Variants in CHMP2B observed in about 807,000 individuals in gnomAD.
The protein encoded by CHMP2B is VPS2 homolog B.
Under a neutral mutation model 29.8 loss-of-function variants are expected in CHMP2B, and 22 were observed. The observed-to-expected ratio is 0.74, with a 90% CI of 0.53 to 1.05. The LOEUF is 1.05. Ranked by LOEUF, CHMP2B falls within the 50% of genes least tolerant of loss-of-function variation. CHMP2B has a pLI of 0.00. For missense variants in CHMP2B, 261 were observed against 252.2 expected (o/e 1.03, Z -0.24); for synonymous variants, 78 against 75.8 (o/e 1.03, Z -0.15).
rs187158507 is a variant in CHMP2B at position 87,253,747 on chromosome 3, A to G, written c.567A>G (p.Pro189=). Residue 189 remains proline, a synonymous_variant, in exon 6 of 6, where the codon CCA becomes CCG. Coordinates refer to ENST00000263780, the MANE Select transcript of CHMP2B (RefSeq NM_014043.4). ...AKAPSAARSL[P]SASTSKATIS... Reference sequence around the variant, plus strand: ...CTCCATCAGCTGCTCGAAGCTTACCATCTGCCTCTACTTCAAAGGCTACAA... The same window carrying G: ...CTCCATCAGCTGCTCGAAGCTTACCGTCTGCCTCTACTTCAAAGGCTACAA... The G allele has an allele frequency of 3.7e-6, 6 of 1,612,556 alleles. No homozygotes were observed. The highest frequency in any genetic ancestry group is 2.2e-5 in the South Asian group (2 of 91,070).
intron 1 of CHMP2B, chr3:87,240,493 A>T (rs935129484): frequency 1.1e-5 from 5 of 436,886 alleles, no homozygotes; most frequent in African/African-American, 1.0e-4. Context: ...TATTTTTAGT[A>T]GAGATGGGGT....
chr3:87,237,985 A>T (rs1465169791), intron 1 of CHMP2B, among the ~76,000 whole-genome samples: 1 of 152,212 alleles, frequency 6.6e-6, no homozygotes. Flanking sequence ...TGAGTATTAG[A>T]TGCCCACCAG....
chr3:87,238,498 A>C (rs185200202), intron 1 of CHMP2B, among the ~76,000 whole-genome samples: 1 of 152,092 alleles, frequency 6.6e-6, no homozygotes, highest in Non-Finnish European at 1.5e-5. Context: ...CCATATACCA[A>C]TTTGTTCTGT....
intron 1 of CHMP2B, among the ~76,000 whole-genome samples, chr3:87,237,945 A>G (rs1374440153): frequency 6.6e-6 from 1 of 152,198 alleles, no homozygotes; most frequent in African/African-American, 2.4e-5. Context: ...TTTCAACAAT[A>G]GGTAGAATAA....
chr3:87,233,492 G>A lies in CHMP2B; in HGVS notation c.34+5936G>A, dbSNP rs143936757. Among the ~76,000 whole-genome samples the A allele has an allele frequency of 3.4e-3, 512 of 151,834 alleles. 4 individuals carry two copies. The highest frequency in any genetic ancestry group is 0.011 in the African/African-American group (476 of 41,410). On this transcript the variant is annotated intron_variant, in intron 1 of 5. Transcript: ENST00000263780. ...TCAAGTCAAGATGAAACATCCTTAC[G>A]TAGCCAGGACTTCTTTTCACTTTAC... is the stretch of plus-strand genomic sequence containing the variant.
At chr3:87,235,100 A>G (rs192365256) in intron 1 of CHMP2B, among the ~76,000 whole-genome samples, 101 of 152,358 alleles carry the variant, frequency 6.6e-4, no homozygotes, top group African/African-American at 2.3e-3. Flanking sequence ...ATTTGCATGA[A>G]GAAAGGTGGG....
In CHMP2B at chr3:87,244,351, T is replaced by TTA. The variant is rs1553672619; in HGVS notation, c.127-1351_127-1350dup. Among the ~76,000 whole-genome samples, 45 of 151,820 alleles carry TTA rather than the reference T, an allele frequency of 3.0e-4. No homozygotes were observed. The East Asian group carries it at 3.9e-3, about 13-fold the overall frequency. On this transcript the variant is annotated intron_variant, in intron 2 of 5. Coordinates refer to ENST00000263780, the MANE Select transcript of CHMP2B (RefSeq NM_014043.4). ...GAGCCACAGATTTTTCTTTCCTAGT[T>TTA]TATATATATATATTTTTTGTTTATC...
chr3:87,247,797 G>T (rs147523095), intron 3 of CHMP2B, among the ~76,000 whole-genome samples: 1 of 152,282 alleles, frequency 6.6e-6, no homozygotes, highest in African/African-American at 2.4e-5. Context: ...ATCTTTGATC[G>T]CAGAGTAGGT....
chr3:87,238,608 G>A (rs761747440), intron 1 of CHMP2B, among the ~76,000 whole-genome samples: 1 of 152,090 alleles, frequency 6.6e-6, no homozygotes, highest in African/African-American at 2.4e-5. Context: ...TGAGGTTCAC[G>A]CATGTTGTAG....
At chr3:87,246,191 G>A (rs1706210458) in intron 3 of CHMP2B, among the ~76,000 whole-genome samples, 1 of 151,622 alleles carries the variant, frequency 6.6e-6, no homozygotes, top group Admixed American at 6.6e-5. Flanking sequence ...AGGCTGGAGT[G>A]CAGTGGCAAG....
At chr3:87,252,480 G>A (rs999277358) in intron 4 of CHMP2B, among the ~76,000 whole-genome samples, 1 of 151,264 alleles carries the variant, frequency 6.6e-6, no homozygotes, top group Non-Finnish European at 1.5e-5. Context: ...CAGTGACTTT[G>A]CCCAGGCCAT....
chr3:87,229,316 G>C (rs1243033538), intron 1 of CHMP2B, among the ~76,000 whole-genome samples: 1 of 152,104 alleles, frequency 6.6e-6, no homozygotes. Flanking sequence ...TTGCTGAATA[G>C]ACTTATTTGT....
At chr3:87,237,357 G>A (rs1706035356) in intron 1 of CHMP2B, among the ~76,000 whole-genome samples, 1 of 152,110 alleles carries the variant, frequency 6.6e-6, no homozygotes, top group African/African-American at 2.4e-5. Flanking sequence ...ATCCTTAGAA[G>A]AAGAGAAAGA....
In CHMP2B at chr3:87,245,765, GT is replaced by G. The variant is rs1342251320; in HGVS notation, c.182del (p.Leu61Ter). ...GATTGGTAATAAGGAAGCTTGCAAA[GT>G]TTTAGCCAAACAACTTGTGCATCTA... ...AKIGNKEACKVLAKQLVHLRK... is the reference protein window; with the variant it reads ...AKIGNKEACKXLAKQLVHLRK... On this transcript the variant is annotated frameshift_variant, in exon 3 of 6. Coordinates refer to ENST00000263780, the MANE Select transcript of CHMP2B (RefSeq NM_014043.4). LOFTEE classifies it high-confidence loss of function. The G allele has an allele frequency of 6.2e-7, 1 of 1,613,712 alleles. No individual in the cohort carries two copies. Among genetic ancestry groups the G allele is most frequent in the Non-Finnish European group, 8.5e-7 (1 of 1,179,914 alleles).
intron 1 of CHMP2B, among the ~76,000 whole-genome samples, chr3:87,232,119 T>G (rs964899351): frequency 6.6e-6 from 1 of 152,176 alleles, no homozygotes; most frequent in African/African-American, 2.4e-5. Context: ...TGCCACCCAC[T>G]GTGAACTTTA....
chr3:87,245,627 A>G, intron 2 of CHMP2B, 87 bp from the exon 3 acceptor site: 1 of 1,062,112 alleles, frequency 9.4e-7, no homozygotes, highest in South Asian at 1.4e-5. Flanking sequence ...AGGGTCTGTT[A>G]TGTGTATTAG....
chr3:87,235,836 A>G (rs955773383), intron 1 of CHMP2B, among the ~76,000 whole-genome samples: 2 of 152,192 alleles, frequency 1.3e-5, no homozygotes, highest in Admixed American at 6.5e-5. Flanking sequence ...TGCCACTTGA[A>G]AGACGCAGAT....
At chr3:87,229,114 A>G (rs1390518219) in intron 1 of CHMP2B, among the ~76,000 whole-genome samples, 1 of 152,124 alleles carries the variant, frequency 6.6e-6, no homozygotes, top group Non-Finnish European at 1.5e-5. Context: ...CAAGCATACT[A>G]GTTTTAATCG....
rs1220398302 is a variant in CHMP2B at position 87,255,520 on chromosome 3, T to G, written c.*1698T>G. The G allele has an allele frequency of 6.6e-6, 1 of 152,466 alleles. No homozygotes were observed. Among genetic ancestry groups the G allele is most frequent in the Non-Finnish European group, 1.5e-5 (1 of 67,950 alleles). The allele number at this position is 152,466 out of a possible 1,614,324, so 9.4% of individuals were successfully genotyped here. A position where few individuals can be genotyped will look rare whatever the true frequency, so the allele number is the denominator to read the frequency against. On this transcript the variant is annotated 3_prime_UTR_variant, in exon 6 of 6. Coordinates refer to ENST00000263780, the MANE Select transcript of CHMP2B (RefSeq NM_014043.4). Reference sequence around the variant, plus strand: ...TCTTACCTTTTTTGCTCTTTTTGGTTCCTGCTAAAATTAAAAATTTTATGC... The same window carrying G: ...TCTTACCTTTTTTGCTCTTTTTGGTGCCTGCTAAAATTAAAAATTTTATGC...
Sources: allele counts gnomAD v4.1 joint callset (sites outside exome capture counted in the v4.1 genomes callset), GRCh38; gene constraint gnomAD v4.1.1; transcripts MANE v1.5; gene names NCBI Gene and HGNC (gene_info 2026-07-23, HGNC 2026-07-21).